The following ZNF184 variants were observed in gnomAD, a reference collection of about 807,000 sequenced individuals.
The protein encoded by ZNF184 is zinc finger protein 184.
A neutral mutation model predicts 54.4 loss-of-function variants in ZNF184; 16 were observed. The observed-to-expected ratio is 0.29, with a 90% CI of 0.20 to 0.45. The LOEUF (loss-of-function observed/expected upper bound fraction) is 0.45. Ranked by LOEUF, ZNF184 falls within the 20% of genes least tolerant of loss-of-function variation. ZNF184 has a pLI of 1.00. For synonymous variants in ZNF184, 254 were observed against 295.3 expected (o/e 0.86, Z 1.43); for missense variants, 681 against 888.2 (o/e 0.77, Z 2.97).
At chr6:27,437,683 G>A in the ZNF184 span, among the ~76,000 whole-genome samples, 3 of 152,188 alleles carry the variant, frequency 2.0e-5, no homozygotes, top group Non-Finnish European at 2.9e-5. Context: ...GCTGTCATCT[G>A]AACTGTCTTG....
At chr6:27,406,406 A>G in the ZNF184 span, 1 of 152,304 alleles carries the variant, frequency 6.6e-6, no homozygotes, top group African/African-American at 2.4e-5. Flanking sequence ...TTCACTGACC[A>G]GCTTTCATAG....
the ZNF184 span, among the ~76,000 whole-genome samples, chr6:27,419,572 A>AGATAGATT: frequency 4.8e-5 from 7 of 146,850 alleles, no homozygotes; most frequent in African/African-American, 1.0e-4. This position sits in a 1 kb window ranked among gnomAD's most constrained non-coding sequence, Gnocchi z 4.8. Flanking sequence ...ATAGATAGAT[A>AGATAGATT]GATTCATAAA....
chr6:27,422,148 A>AAAAAAG, the ZNF184 span, among the ~76,000 whole-genome samples: 40 of 43,450 alleles, frequency 9.2e-4, 3 homozygotes, highest in African/African-American at 3.2e-3. Context: ...CTCAAAAAAA[A>AAAAAAG]AAAGAAAGAA....
At chr6:27,454,865 T>G (rs1430310151) in intron 5 of ZNF184, among the ~76,000 whole-genome samples, 15 of 152,098 alleles carry the variant, frequency 9.9e-5, no homozygotes, top group South Asian at 2.1e-4. Context: ...TGATGTCCCA[T>G]GTGTGGAGAA....
At chr6:27,416,263 CT>C in the ZNF184 span, among the ~76,000 whole-genome samples, 2 of 152,178 alleles carry the variant, frequency 1.3e-5, no homozygotes, top group Non-Finnish European at 2.9e-5. Flanking sequence ...CCTGATAGGA[CT>C]ATCGTGAGAG....
Position 27,472,524 on chromosome 6 carries a change from G to C in ZNF184, c.-139-91C>G. ...GACCAAGAGGTGCTACACAAGAGAA[G>C]TGCCCCAAGAGAGCACTAGAGAGGT... is the stretch of plus-strand genomic sequence containing the variant. On this transcript the variant is annotated intron_variant, in intron 1 of 5. Transcript: ENST00000683788. This position sits in a 1 kb window ranked among gnomAD's most constrained non-coding sequence, Gnocchi z 4.8. 1.8e-6 allele frequency: 1 copy of C among 561,152 alleles called. No individual in the cohort carries two copies. Among genetic ancestry groups the C allele is most frequent in the Non-Finnish European group, 3.2e-6 (1 of 310,684 alleles). 34.8% of individuals were successfully genotyped at this position (561,152 alleles called of 1,614,324 possible).
the ZNF184 span, among the ~76,000 whole-genome samples, chr6:27,412,815 A>C: frequency 6.6e-6 from 1 of 152,246 alleles, no homozygotes; most frequent in African/African-American, 2.4e-5. Context: ...TTGAGGCTTC[A>C]GTGAGCTATG....
the ZNF184 span, chr6:27,406,298 C>G: frequency 3.3e-5 from 5 of 152,372 alleles, no homozygotes; most frequent in Admixed American, 1.3e-4. Flanking sequence ...GCAAAACATC[C>G]ACCCCCAAGA....
rs538244022 is a variant in ZNF184 at position 27,462,585 on chromosome 6, C to T, written c.76-5176G>A. Among the ~76,000 whole-genome samples, 7 of 151,484 alleles carry T rather than the reference C, an allele frequency of 4.6e-5. No individual in the cohort carries two copies. In the East Asian group the frequency reaches 1.2e-3, roughly 26 times the overall value. On this transcript the variant is annotated intron_variant, in intron 3 of 5. Transcript: ENST00000683788. ...CATCCAATCAAAGACTATCAGGCAG[C>T]TGGGCACAGTGGCTCACACCTGTAA... is the stretch of plus-strand genomic sequence containing the variant.
chr6:27,465,854 G>A (rs13201985), intron 3 of ZNF184, among the ~76,000 whole-genome samples: 89,688 of 151,424 alleles, frequency 0.59, 26,934 homozygotes, highest in Middle Eastern at 0.74. Context: ...AATCAGTAAG[G>A]ATATAAAAGA....
chr6:27,472,555 G>T lies in ZNF184; in HGVS notation c.-139-122C>A. ...CAAGAGAGCACTAGAGAGGTGTGTG[G>T]CACTCCGATGAACAAAACAGAGTGG... On this transcript the variant is annotated intron_variant, in intron 1 of 5. Coordinates refer to ENST00000683788, the MANE Select transcript of ZNF184 (RefSeq NM_001318891.2). The surrounding 1 kb of genome is among the most constrained non-coding windows in gnomAD (Gnocchi z 4.8). 1 of 481,220 alleles carries T rather than the reference G, an allele frequency of 2.1e-6. No individual in the cohort carries two copies. 29.8% of individuals were successfully genotyped at this position (481,220 alleles called of 1,614,324 possible).
chr6:27,458,624 G>T (rs1392450042), intron 3 of ZNF184, among the ~76,000 whole-genome samples: 1 of 151,956 alleles, frequency 6.6e-6, no homozygotes, highest in African/African-American at 2.4e-5. Context: ...ATACAACACT[G>T]GTGGGAATGT....
chr6:27,423,322 C>A, the ZNF184 span, among the ~76,000 whole-genome samples: 2 of 152,210 alleles, frequency 1.3e-5, no homozygotes, highest in Non-Finnish European at 2.9e-5. Flanking sequence ...GATTGTCCAA[C>A]AGGAATAGCT....
the ZNF184 span, among the ~76,000 whole-genome samples, chr6:27,424,230 G>C: frequency 6.6e-6 from 1 of 152,170 alleles, no homozygotes; most frequent in East Asian, 1.9e-4. Context: ...GAGGTCTCTG[G>C]TTTCAGGAAT....
intron 3 of ZNF184, among the ~76,000 whole-genome samples, chr6:27,461,989 G>A (rs1763006877): frequency 6.6e-6 from 1 of 152,170 alleles, no homozygotes; most frequent in Non-Finnish European, 1.5e-5. Context: ...ACCAGAACCA[G>A]CACTCAAAAA....
At chr6:27,447,956 G>C (rs1483029216), downstream of ZNF184, among the ~76,000 whole-genome samples, 2 of 152,094 alleles carry the variant, frequency 1.3e-5, no homozygotes, top group African/African-American at 4.8e-5. Context: ...AGTCACCTTT[G>C]GGGAAGAAGA....
the ZNF184 span, among the ~76,000 whole-genome samples, chr6:27,433,805 C>A: frequency 6.6e-6 from 1 of 152,162 alleles, no homozygotes; most frequent in Admixed American, 6.5e-5. Flanking sequence ...AATACGGATG[C>A]ACAAATATCT....
chr6:27,445,796 G>A (rs1762630303), downstream of ZNF184, among the ~76,000 whole-genome samples: 1 of 151,846 alleles, frequency 6.6e-6, no homozygotes, highest in South Asian at 2.1e-4. Flanking sequence ...GAGGAGCAAG[G>A]TATTGGAAAC....
chr6:27,410,373 G>A, the ZNF184 span, among the ~76,000 whole-genome samples: 2 of 152,222 alleles, frequency 1.3e-5, no homozygotes, highest in African/African-American at 4.8e-5. Context: ...GAAAGTCAGA[G>A]AGGTGGGAAA....
Sources: gnomAD v4.1 joint callset for allele counts (sites outside exome capture counted in the v4.1 genomes callset) on GRCh38, gnomAD v4.1.1 for gene constraint, Gnocchi (gnomAD v3.1) non-coding constraint, MANE v1.5 for transcripts, NCBI Gene and HGNC (gene_info 2026-07-23, HGNC 2026-07-21) for gene names.